The following DNAJC7 variants were observed in gnomAD, a reference collection of about 807,000 sequenced individuals.
The protein encoded by DNAJC7 is DnaJ heat shock protein family (Hsp40) member C7.
DNAJC7 carries 18 observed loss-of-function variants against 67.4 expected under a neutral mutation model. That is an observed-to-expected ratio of 0.27 (90% CI 0.18 to 0.40). The LOEUF (loss-of-function observed/expected upper bound fraction) is 0.40, where lower values mean the gene tolerates loss of function less well. DNAJC7 is among the 10% of genes least tolerant of loss of function. DNAJC7 has a pLI of 1.00. For missense variants in DNAJC7, 419 were observed against 613.8 expected, an observed-to-expected ratio of 0.68 and a Z score of 3.35; for synonymous variants, 220 against 207.8, an observed-to-expected ratio of 1.06 and a Z score of -0.50.
At position 41,993,408 on chromosome 17, in the gene DNAJC7, G is replaced by A. The variant is rs1021631963; in HGVS notation, c.480+1462C>T. 1.1e-4 allele frequency among the ~76,000 whole-genome samples: 16 copies of A among 152,232 alleles called. No homozygotes were observed. In the East Asian group the frequency reaches 2.3e-3, roughly 22 times the overall value. ...CAGGAGGCGGAGCTTGCAGTGAGCCGAGATCCCGCCACTGCACTCCAGCCT... is the reference window on the plus strand; with the variant it reads ...CAGGAGGCGGAGCTTGCAGTGAGCCAAGATCCCGCCACTGCACTCCAGCCT... On this transcript the variant is annotated intron_variant, in intron 5 of 13. Coordinates refer to ENST00000457167, the MANE Select transcript of DNAJC7 (RefSeq NM_003315.4).
chr17:41,982,563 A>C (rs1051996731), intron 10 of DNAJC7, among the ~76,000 whole-genome samples, 162 bp from the exon 11 acceptor site: 2 of 152,144 alleles, frequency 1.3e-5, no homozygotes, highest in African/African-American at 2.4e-5. Flanking sequence ...TCGGCCAGGC[A>C]CGGTGACTCA....
At chr17:41,993,904 G>T (rs570065608) in intron 5 of DNAJC7, among the ~76,000 whole-genome samples, 1 of 150,156 alleles carries the variant, frequency 6.7e-6, no homozygotes, top group Non-Finnish European at 1.5e-5. Context: ...TTAGCCATGC[G>T]TGGCAGCACA....
At chr17:42,016,920 A>G (rs1355290602) in intron 1 of DNAJC7, 41 of 1,113,202 alleles carry the variant, frequency 3.7e-5, no homozygotes, top group Non-Finnish European at 4.1e-5. Flanking sequence ...GGGTGAGGAG[A>G]GCAAAGGTTT....
At chr17:41,977,146 G>A (rs1598110106) in intron 13 of DNAJC7, 115 bp downstream of exon 13, 2 of 1,049,502 alleles carry the variant, frequency 1.9e-6, no homozygotes, top group Non-Finnish European at 2.8e-6. Context: ...CCTGCTAGAT[G>A]AGAATTCAGC....
chr17:41,998,693 T>C (rs1308332272), intron 2 of DNAJC7, among the ~76,000 whole-genome samples: 7 of 152,078 alleles, frequency 4.6e-5, no homozygotes, highest in African/African-American at 1.7e-4. Context: ...GTGAGAAGAA[T>C]GCTGACACGG....
chr17:41,997,386 A>C, intron 2 of DNAJC7, 147 bp from the exon 3 acceptor site: 1 of 918,416 alleles, frequency 1.1e-6, no homozygotes, highest in Admixed American at 2.8e-5. Context: ...TCAGGAGTTC[A>C]AGACCAGCCT....
At chr17:41,998,926 C>T (rs1265527564) in intron 2 of DNAJC7, among the ~76,000 whole-genome samples, 1 of 152,124 alleles carries the variant, frequency 6.6e-6, no homozygotes, top group Non-Finnish European at 1.5e-5. Context: ...TGGCACATCC[C>T]TGTAATTCTA....
chr17:41,988,677 T>C (rs1181635750), intron 8 of DNAJC7, 55 bp downstream of exon 8: 3 of 1,527,024 alleles, frequency 2.0e-6, no homozygotes, highest in East Asian at 2.4e-5. Context: ...CCAAGACCCT[T>C]TGATGTCCCT....
intron 13 of DNAJC7, 115 bp from the exon 14 acceptor site, chr17:41,976,885 C>T (rs1008605042): frequency 1.9e-5 from 25 of 1,320,318 alleles, no homozygotes; most frequent in Non-Finnish European, 2.6e-5. Flanking sequence ...CAGAGAGAAA[C>T]TCTATGGGTA....
intron 1 of DNAJC7, chr17:42,013,881 G>C (rs1430658383): frequency 5.3e-5 from 8 of 152,208 alleles, no homozygotes; most frequent in African/African-American, 1.7e-4. Flanking sequence ...CGCAACCTCC[G>C]CCTACCGGAT....
At chr17:41,996,117 G>C (rs1487642734) in intron 4 of DNAJC7, among the ~76,000 whole-genome samples, 194 bp downstream of exon 4, 1 of 152,208 alleles carries the variant, frequency 6.6e-6, no homozygotes, top group Non-Finnish European at 1.5e-5. Flanking sequence ...ATTTTTAAAA[G>C]CTGTCAATCA....
At chr17:41,993,839 C>G (rs2051576119) in intron 5 of DNAJC7, among the ~76,000 whole-genome samples, 1 of 147,530 alleles carries the variant, frequency 6.8e-6, no homozygotes, top group African/African-American at 2.5e-5. Flanking sequence ...GAGTACGAGA[C>G]CAGCCTGACC....
intron 2 of DNAJC7, among the ~76,000 whole-genome samples, chr17:41,999,623 C>T (rs530719662): frequency 3.3e-5 from 5 of 151,960 alleles, no homozygotes; most frequent in South Asian, 4.2e-4. Context: ...TGGGTTCAAG[C>T]GATTCTCCTG....
At chr17:42,006,952 A>G (rs2051981166) in intron 1 of DNAJC7, among the ~76,000 whole-genome samples, 1 of 151,694 alleles carries the variant, frequency 6.6e-6, no homozygotes, top group Admixed American at 6.6e-5. Context: ...ACAAAAAAGG[A>G]TTAGCCAGGC....
chr17:42,017,004 A>T, intron 1 of DNAJC7: 1 of 1,288,840 alleles, frequency 7.8e-7, no homozygotes, highest in East Asian at 3.9e-5. Context: ...GGGCGATGTA[A>T]GGAAGTCGTC....
chr17:42,002,073 A>G (rs2143281219), intron 1 of DNAJC7, among the ~76,000 whole-genome samples: 1 of 152,344 alleles, frequency 6.6e-6, no homozygotes, highest in South Asian at 2.1e-4. Context: ...ATCTTGCTAC[A>G]TGGTATTCAC....
chr17:41,977,395 G>A, intron 12 of DNAJC7, 72 bp from the exon 13 acceptor site: 1 of 1,350,696 alleles, frequency 7.4e-7, no homozygotes, highest in Non-Finnish European at 1.0e-6. Context: ...GAGAACTGAT[G>A]ACACTGAGAA....
At position 41,994,901 on chromosome 17, in the gene DNAJC7, T is replaced by G. The variant is rs1253808048; in HGVS notation, c.449A>C (p.Glu150Ala). 1 of 1,613,878 alleles carries G rather than the reference T, an allele frequency of 6.2e-7. No homozygotes were observed. Among genetic ancestry groups the G allele is most frequent in the Admixed American group, 1.7e-5 (1 of 60,004 alleles). The change falls in exon 5 of 14, where the codon GAA (glutamate) becomes GCA (alanine). Residue 150 changes from glutamate to alanine, a missense_variant. Glu to Ala is a moderately radical substitution (Grantham distance 107). Around this residue, in one of 4 missense-constraint regions of DNAJC7, gnomAD observed 179 missense variants for 249.7 expected, o/e 0.72. Transcript: ENST00000457167. ...AAAATCTCGCTTCTCAAAATCTGTT[T>G]CTGCTATTTTCTCATATTCCATGAC... Reference protein sequence around the residue: ...NAVMEYEKIAETDFEKRDFRK... With the variant: ...NAVMEYEKIAATDFEKRDFRK...
rs1361654576 is a variant in DNAJC7, at chr17:41,977,289, A to G, written c.1419T>C (p.Phe473=). 1.3e-6 allele frequency: 2 copies of G among 1,585,860 alleles called. No homozygotes were observed. Among genetic ancestry groups the G allele is most frequent in the Non-Finnish European group, 1.7e-6 (2 of 1,166,180 alleles). Residue 473 remains phenylalanine (F), a synonymous_variant, in exon 13 of 14, where the codon TTT becomes TTC. Transcript: ENST00000457167. ...CAAAGCTGAAGCCGCCAGGACCGCC[A>G]AAGAATGCCTTGAAGATATTGTTTG... is the stretch of plus-strand genomic sequence containing the variant. ...FDPNNIFKAF[F]GGPGGFSFEA... is the part of the protein sequence containing the mutation.
Sources: gnomAD v4.1 joint callset for allele counts (sites outside exome capture counted in the v4.1 genomes callset) on GRCh38, gnomAD v4.1.1 for gene constraint, gnomAD v4.1.1 regional missense constraint, MANE v1.5 for transcripts, NCBI Gene and HGNC (gene_info 2026-07-23, HGNC 2026-07-21) for gene names.